Variants in FNTB observed in about 807,000 individuals in gnomAD.
FNTB encodes the protein farnesyltransferase, CAAX box, subunit beta.
FNTB carries 27 observed loss-of-function variants against 59.4 expected under a neutral mutation model. The ratio of observed to expected loss-of-function variants is 0.45; its 90% CI spans 0.34 to 0.63. FNTB has a LOEUF of 0.63. Among genes scored for constraint, FNTB ranks in the 20% least tolerant of loss-of-function variants. The probability of loss-of-function intolerance (pLI) is 0.02; values close to 1 mark genes in which losing one functional copy is unlikely to be tolerated. For missense variants in FNTB, 449 were observed against 559.6 expected, an observed-to-expected ratio of 0.80 and a Z score of 1.99; for synonymous variants, 230 against 220.7, an observed-to-expected ratio of 1.04 and a Z score of -0.37.
In FNTB at chr14:65,031,054, T is replaced by C. The variant is rs962727374; in HGVS notation, c.606-1556T>C. Among the ~76,000 whole-genome samples the C allele has an allele frequency of 6.6e-6, 1 of 152,100 alleles. No individual in the cohort carries two copies. Among genetic ancestry groups the C allele is most frequent in the African/African-American group, 2.4e-5 (1 of 41,420 alleles). The stretch of plus-strand genomic sequence containing the variant: ...AACTCCTGACCTCAAATAATCCACC[T>C]GCCTTAGCCTCCCAAAGTGCTGGGA... On this transcript the variant is annotated intron_variant, in intron 6 of 11. Transcript: ENST00000246166. The surrounding 1 kb of genome is among the most constrained non-coding windows in gnomAD (Gnocchi z 4.6).
chr14:65,006,433 G>A (rs2061591799), intron 2 of FNTB: 2 of 1,311,964 alleles, frequency 1.5e-6, no homozygotes, highest in Middle Eastern at 4.5e-4. Flanking sequence ...ATTAGCAAAT[G>A]ACGCCATTTA....
chr14:65,031,699 T>G lies in FNTB; in HGVS notation c.606-911T>G, dbSNP rs535924125. On this transcript the variant is annotated intron_variant, in intron 6 of 11. Coordinates refer to ENST00000246166, the MANE Select transcript of FNTB (RefSeq NM_002028.4). The surrounding 1 kb of genome is among the most constrained non-coding windows in gnomAD (Gnocchi z 4.6). The stretch of plus-strand genomic sequence containing the variant: ...ACTTTGGGAGGCCAAGGCAGGTGGA[T>G]TGCTTGAGGTCAGGAGTTTGAAACC... Among the ~76,000 whole-genome samples, 7 of 152,196 alleles carry G rather than the reference T, an allele frequency of 4.6e-5. No individual in the cohort carries two copies. In the South Asian group the frequency reaches 1.5e-3, roughly 32 times the overall value.
At position 65,023,300 on chromosome 14, in the gene FNTB, C is replaced by G. The variant is rs3783715; in HGVS notation, c.375-4153C>G. Among the ~76,000 whole-genome samples, 37,945 of 152,040 alleles carry G rather than the reference C, an allele frequency of 0.25. 4,924 individuals carry two copies. Among genetic ancestry groups the G allele is most frequent in the Non-Finnish European group, 0.3 (20,142 of 67,968 alleles). On this transcript the variant is annotated intron_variant, in intron 4 of 11. Transcript: ENST00000246166. This position sits in a 1 kb window ranked among gnomAD's most constrained non-coding sequence, Gnocchi z 4.1. Reference sequence around the variant, plus strand: ...CCTTGAACTCCTGAGCTCAAGTGATCCCCCTCACCTCAGCCAAAGTGCTGG... The same window carrying G: ...CCTTGAACTCCTGAGCTCAAGTGATGCCCCTCACCTCAGCCAAAGTGCTGG...
Position 65,011,193 on chromosome 14 carries a change from C to G in FNTB, c.210-1124C>G, listed in dbSNP as rs113731915. On this transcript the variant is annotated intron_variant, in intron 2 of 11. Transcript: ENST00000246166. This position sits in a 1 kb window ranked among gnomAD's most constrained non-coding sequence, Gnocchi z 4.0. ...CCTGTAATCCCAGCATTTTGGGAGG[C>G]CAAGGCAGGGGATTACCTGAGGTCA... Among the ~76,000 whole-genome samples the G allele has an allele frequency of 0.01, 1,576 of 152,266 alleles. 26 individuals carry two copies. The highest frequency in any genetic ancestry group is 0.08 in the East Asian group (415 of 5,176).
chr14:64,994,524 C>T lies in FNTB; in HGVS notation c.144+7427C>T, dbSNP rs1566860509. Among the ~76,000 whole-genome samples the T allele has an allele frequency of 6.6e-6, 1 of 152,120 alleles. No individual in the cohort carries two copies. The highest frequency in any genetic ancestry group is 1.5e-5 in the Non-Finnish European group (1 of 68,024). On this transcript the variant is annotated intron_variant, in intron 1 of 11. Transcript: ENST00000246166. The surrounding 1 kb of genome is among the most constrained non-coding windows in gnomAD (Gnocchi z 4.2). ...TTGCTCCTAGGCTACAGGCTACAAA[C>T]CTACACAGTATGTTACTGTACTAAA...
chr14:65,032,797 C>T lies in FNTB; in HGVS notation c.692+101C>T, dbSNP rs572418595. 2 of 1,136,176 alleles carry T rather than the reference C, an allele frequency of 1.8e-6. No homozygotes were observed. Among genetic ancestry groups the T allele is most frequent in the African/African-American group, 1.6e-5 (1 of 62,868 alleles). The allele number at this position is 1,136,176 out of a possible 1,614,324, so 70.4% of individuals were successfully genotyped here. The stretch of plus-strand genomic sequence containing the variant: ...ATGCAGAGGGACTTGGAAGGAAATA[C>T]AAAAATCACAGGAGATCCATTAGGG... On this transcript the variant is annotated intron_variant, in intron 7 of 11. Transcript: ENST00000246166. This position sits in a 1 kb window ranked among gnomAD's most constrained non-coding sequence, Gnocchi z 5.0.
At position 65,028,291 on chromosome 14, in the gene FNTB, T is replaced by C. The variant is rs1306366892; in HGVS notation, c.605+510T>C. ...GTGCAATAAAATCGCATTAACTGATTGGTGCCAGTTAGCTCGAAATTATTA... is the reference window on the plus strand; with the variant it reads ...GTGCAATAAAATCGCATTAACTGATCGGTGCCAGTTAGCTCGAAATTATTA... On this transcript the variant is annotated intron_variant, in intron 6 of 11. Transcript: ENST00000246166. This position sits in a 1 kb window ranked among gnomAD's most constrained non-coding sequence, Gnocchi z 4.4. 1.3e-5 allele frequency among the ~76,000 whole-genome samples: 2 copies of C among 152,094 alleles called. No individual in the cohort carries two copies. Among genetic ancestry groups the C allele is most frequent in the Non-Finnish European group, 2.9e-5 (2 of 68,042 alleles).
rs2062073236 is a variant in FNTB at position 65,031,155 on chromosome 14, C to A, written c.606-1455C>A. On this transcript the variant is annotated intron_variant, in intron 6 of 11. Transcript: ENST00000246166. The surrounding 1 kb of genome is among the most constrained non-coding windows in gnomAD (Gnocchi z 4.6). ...ATTCAAACCAATGATTTTTGTCTTC[C>A]CTGTGCCGGGTATTTGAAAAAACCA... Among the ~76,000 whole-genome samples the A allele has an allele frequency of 6.6e-6, 1 of 151,790 alleles. No homozygotes were observed. Among genetic ancestry groups the A allele is most frequent in the Non-Finnish European group, 1.5e-5 (1 of 67,960 alleles).
intron 11 of FNTB, among the ~76,000 whole-genome samples, chr14:65,056,290 C>T (rs1378762907): frequency 6.6e-6 from 1 of 152,068 alleles, no homozygotes; most frequent in Admixed American, 6.6e-5. Flanking sequence ...TAAATGTACC[C>T]CAGTGTGTTT....
intron 3 of FNTB, among the ~76,000 whole-genome samples, chr14:65,013,250 T>G (rs2061711900): frequency 6.6e-6 from 1 of 152,102 alleles, no homozygotes; most frequent in Non-Finnish European, 1.5e-5. Context: ...GGAGACCCTG[T>G]GCCCTTAACT....
At chr14:64,999,017 G>T (rs1199059158) in intron 1 of FNTB, among the ~76,000 whole-genome samples, 1 of 152,212 alleles carries the variant, frequency 6.6e-6, no homozygotes, top group Non-Finnish European at 1.5e-5. Flanking sequence ...AGGAGTACTG[G>T]TACATGCTAC....
chr14:65,002,927 A>G (rs1479270889), intron 1 of FNTB, among the ~76,000 whole-genome samples: 1 of 152,192 alleles, frequency 6.6e-6, no homozygotes, highest in Non-Finnish European at 1.5e-5. Flanking sequence ...GATGATCCTT[A>G]AACAAAAGTC....
Position 65,044,732 on chromosome 14 carries a change from T to C in FNTB, c.955+289T>C, listed in dbSNP as rs975370227. 3.1e-5 allele frequency: 13 copies of C among 421,524 alleles called. No individual in the cohort carries two copies. The highest frequency in any genetic ancestry group is 5.4e-5 in the Non-Finnish European group (13 of 240,216). The allele number at this position is 421,524 out of a possible 1,614,324, so 26.1% of individuals were successfully genotyped here. A position where few individuals can be genotyped will look rare whatever the true frequency, so the allele number is the denominator to read the frequency against. Reference sequence around the variant, plus strand: ...AAGTGGGCGCTGCTTCTGCGTTATCTGGAAGGAGCAGCCCACTCCTGTCCT... The same window carrying C: ...AAGTGGGCGCTGCTTCTGCGTTATCCGGAAGGAGCAGCCCACTCCTGTCCT... On this transcript the variant is annotated intron_variant, in intron 9 of 11. Transcript: ENST00000246166. This position sits in a 1 kb window ranked among gnomAD's most constrained non-coding sequence, Gnocchi z 5.5.
rs1262874911 is a variant in FNTB at position 65,054,467 on chromosome 14, A to G, written c.1068-108A>G. 1.8e-6 allele frequency: 2 copies of G among 1,115,490 alleles called. No homozygotes were observed. Among genetic ancestry groups the G allele is most frequent in the African/African-American group, 3.4e-5 (2 of 58,870 alleles). The allele number at this position is 1,115,490 out of a possible 1,614,324, so 69.1% of individuals were successfully genotyped here. A position where few individuals can be genotyped will look rare whatever the true frequency, so the allele number is the denominator to read the frequency against. ...CATGCCTCCTCTAGCCACATGGAGG[A>G]TGGGGGGGGACGTGTGATTGCACCA... On this transcript the variant is annotated intron_variant, in intron 10 of 11. Transcript: ENST00000246166. The surrounding 1 kb of genome is among the most constrained non-coding windows in gnomAD (Gnocchi z 4.4).
rs548665315 is a variant in FNTB at position 65,043,267 on chromosome 14, G to C, written c.823-1044G>C. 2.0e-5 allele frequency among the ~76,000 whole-genome samples: 3 copies of C among 152,360 alleles called. No homozygotes were observed. The East Asian group carries it at 5.8e-4, about 29-fold the overall frequency. On this transcript the variant is annotated intron_variant, in intron 8 of 11. Coordinates refer to ENST00000246166, the MANE Select transcript of FNTB (RefSeq NM_002028.4). ...CATGACTATCTTGATCTTTGTAGTA[G>C]AGTGTGTTTAGAAAACTTGTAGATA...
At chr14:65,038,719 AAAATAAAT>A (rs2062273344) in intron 7 of FNTB, among the ~76,000 whole-genome samples, 1 of 152,228 alleles carries the variant, frequency 6.6e-6, no homozygotes, top group South Asian at 2.1e-4. Context: ...CTCTGTCTCA[AAAATAAAT>A]AAATAAAAAT....
intron 4 of FNTB, among the ~76,000 whole-genome samples, chr14:65,026,794 G>T (rs550576124): frequency 6.6e-6 from 1 of 151,846 alleles, no homozygotes; most frequent in East Asian, 1.9e-4. Context: ...CCTGGGAGAC[G>T]GATGCTGCAA....
rs536003341 is a variant in FNTB at position 65,051,566 on chromosome 14, G to A, written c.956-1672G>A. Among the ~76,000 whole-genome samples, 5 of 151,696 alleles carry A rather than the reference G, an allele frequency of 3.3e-5. No individual in the cohort carries two copies. In the South Asian group the frequency reaches 8.3e-4, roughly 25 times the overall value. ...GCGGAGGTTGCAGTGAGCCGAGATC[G>A]TGCCATTGCCCTCCAACCTGGGCAA... On this transcript the variant is annotated intron_variant, in intron 9 of 11. Coordinates refer to ENST00000246166, the MANE Select transcript of FNTB (RefSeq NM_002028.4).
rs147787095 is a variant in FNTB, at chr14:65,034,598, G to A, written c.692+1902G>A. Among the ~76,000 whole-genome samples, 452 of 152,338 alleles carry A rather than the reference G, an allele frequency of 3.0e-3. 4 individuals are homozygous for A. The highest frequency in any genetic ancestry group is 0.01 in the African/African-American group (436 of 41,568). ...GAGGACTGTCATGCTCAATGGTAAG[G>A]CAGCTATAGTTGAGAGCTGGAGAGT... On this transcript the variant is annotated intron_variant, in intron 7 of 11. Coordinates refer to ENST00000246166, the MANE Select transcript of FNTB (RefSeq NM_002028.4).
Sources: allele counts gnomAD v4.1 joint callset (sites outside exome capture counted in the v4.1 genomes callset), GRCh38; gene constraint gnomAD v4.1.1; non-coding constraint Gnocchi (gnomAD v3.1); transcripts MANE v1.5; gene names NCBI Gene and HGNC (gene_info 2026-07-23, HGNC 2026-07-21).